Variants in TAB2 observed in about 807,000 individuals in gnomAD.
TAB2 encodes TGF-beta-activated kinase 1 and MAP3K7-binding protein 2.
In TAB2, 3 loss-of-function variants were observed where a neutral mutation model predicts 65.0. The observed-to-expected ratio is 0.05, with a 90% CI of 0.02 to 0.12. The LOEUF (loss-of-function observed/expected upper bound fraction) is 0.12. TAB2 is among the 10% of genes least tolerant of loss of function. TAB2 has a pLI of 1.00. For synonymous variants in TAB2, 298 were observed against 285.1 expected, an observed-to-expected ratio of 1.05 and a Z score of -0.46; for missense variants, 623 against 840.3, an observed-to-expected ratio of 0.74 and a Z score of 3.20.
chr6:149,247,149 C>T (rs1777738276), intron 1 of TAB2: 2 of 152,480 alleles, frequency 1.3e-5, no homozygotes, highest in Non-Finnish European at 2.9e-5. Context: ...CTACTGCCCC[C>T]TCGTAAGTGT....
At chr6:149,376,602 A>G (rs1318102967) in intron 2 of TAB2, among the ~76,000 whole-genome samples, 1 of 152,206 alleles carries the variant, frequency 6.6e-6, no homozygotes, top group African/African-American at 2.4e-5. Context: ...CCATCAGGCC[A>G]TACCTTCCTC....
chr6:149,387,833 T>C (rs1781854721), intron 3 of TAB2, among the ~76,000 whole-genome samples: 3 of 152,336 alleles, frequency 2.0e-5, no homozygotes, highest in East Asian at 3.9e-4. Context: ...TTTGAGAGAA[T>C]TCCATGTCAG....
At chr6:149,244,578 G>C (rs1396769764) in intron 1 of TAB2, 1 of 152,572 alleles carries the variant, frequency 6.6e-6, no homozygotes, top group Non-Finnish European at 1.5e-5. Context: ...GCTGGGCGCA[G>C]TGGCTCACGC....
Position 149,224,304 on chromosome 6 carries a change from T to G in TAB2, c.-121+5528T>G, listed in dbSNP as rs1777220144. ...CTTACAATACAGTGACCCAATCATT[T>G]TGGAAGATAGCCAAAGCCTCCCTTT... On this transcript the variant is annotated intron_variant, in intron 1 of 1. Coordinates refer to the TAB2 transcript ENST00000606202. 2.0e-5 allele frequency among the ~76,000 whole-genome samples: 3 copies of G among 152,352 alleles called. No homozygotes were observed. In the South Asian group the frequency reaches 6.2e-4, roughly 32 times the overall value.
chr6:149,359,011 CTTA>C (rs1157549928), intron 1 of TAB2, among the ~76,000 whole-genome samples: 2 of 151,932 alleles, frequency 1.3e-5, no homozygotes, highest in East Asian at 3.9e-4. Context: ...CACTTTATAT[CTTA>C]TTGTTATGAT....
chr6:149,335,097 A>AT (rs940247782), intron 1 of TAB2, among the ~76,000 whole-genome samples: 77 of 151,686 alleles, frequency 5.1e-4, no homozygotes, highest in African/African-American at 1.8e-3. Flanking sequence ...AGGAAAAGTA[A>AT]TTTTTTTTAG....
intron 1 of TAB2, among the ~76,000 whole-genome samples, chr6:149,272,692 G>A (rs1406466702): frequency 6.6e-6 from 1 of 152,178 alleles, no homozygotes; most frequent in African/African-American, 2.4e-5. Context: ...TGTCATATAA[G>A]GTAGCATATT....
At chr6:149,332,979 A>G (rs1045866450) in intron 1 of TAB2, among the ~76,000 whole-genome samples, 1 of 152,178 alleles carries the variant, frequency 6.6e-6, no homozygotes, top group Non-Finnish European at 1.5e-5. Flanking sequence ...TCTTTCTAGC[A>G]CTTCGTTTTA....
At chr6:149,218,367 G>GA (rs1005299094), upstream of TAB2, among the ~76,000 whole-genome samples, 1 of 151,956 alleles carries the variant, frequency 6.6e-6, no homozygotes, top group South Asian at 2.1e-4. Context: ...CTCATTCAAG[G>GA]AAAAAAAGAT....
At position 149,397,703 on chromosome 6, in the gene TAB2, T is replaced by A; in HGVS notation, c.1703T>A (p.Met568Lys). The A allele has an allele frequency of 1.2e-6, 2 of 1,614,010 alleles. No individual in the cohort carries two copies. The highest frequency in any genetic ancestry group is 1.7e-6 in the Non-Finnish European group (2 of 1,179,988). Residue 568 changes from methionine (M) to lysine (K), a missense_variant, in exon 4 of 7, where the codon ATG (methionine) becomes AAG (lysine). Transcript: ENST00000637181. The stretch of plus-strand genomic sequence containing the variant: ...AAATTAAAATCTGAGGTTAATGAAA[T>A]GGAAAATAATCTAACTCGAAGGCGC... ...LDKLKSEVNE[M>K]ENNLTRRRLK... is the part of the protein sequence containing the mutation.
At chr6:149,248,448 G>A (rs1370422377) in intron 1 of TAB2, among the ~76,000 whole-genome samples, 1 of 143,808 alleles carries the variant, frequency 7.0e-6, no homozygotes, top group African/African-American at 2.6e-5. Flanking sequence ...AGGAAGGAAG[G>A]AAGAAAAGAA....
In TAB2 at chr6:149,378,204, A is replaced by G. The variant is rs1489799457; in HGVS notation, c.289A>G (p.Met97Val). ...IYHHGREGSR[M>V]NGSRTLTHSI... ...CCACCATGGAAGAGAAGGAAGTAGG[A>G]TGAATGGAAGTAGGACTCTAACGCA... The change falls in exon 3 of 7, where the codon ATG (methionine) becomes GTG (valine). Residue 97 changes from methionine to valine, a missense_variant. Physicochemically the swap from Met to Val is conservative, Grantham distance 21 (BLOSUM62 1). Around this residue, in one of 3 missense-constraint regions of TAB2, gnomAD observed 550 missense variants for 665.7 expected, o/e 0.83. Coordinates refer to ENST00000637181, the MANE Select transcript of TAB2 (RefSeq NM_001292034.3). 1 of 1,614,100 alleles carries G rather than the reference A, an allele frequency of 6.2e-7. No homozygotes were observed. Among genetic ancestry groups the G allele is most frequent in the Admixed American group, 1.7e-5 (1 of 60,008 alleles).
upstream of TAB2, chr6:149,218,589 G>A (rs1397953920): frequency 2.8e-5 from 8 of 282,624 alleles, no homozygotes; most frequent in Non-Finnish European, 5.2e-5. Flanking sequence ...CAGGGTCAGG[G>A]TAGGGGTTGA....
At chr6:149,234,372 A>G (rs1777458021) in intron 1 of TAB2, among the ~76,000 whole-genome samples, 1 of 152,140 alleles carries the variant, frequency 6.6e-6, no homozygotes, top group Admixed American at 6.5e-5. Context: ...GGAGGAAAGT[A>G]AGAGGCTGAA....
intron 1 of TAB2, among the ~76,000 whole-genome samples, chr6:149,264,051 G>A (rs547060014): frequency 1.3e-5 from 2 of 152,346 alleles, no homozygotes; most frequent in African/African-American, 4.8e-5. Context: ...CCCATCATGG[G>A]AATTCAGAGA....
chr6:149,233,926 A>C (rs1777450214), intron 1 of TAB2, among the ~76,000 whole-genome samples: 1 of 152,166 alleles, frequency 6.6e-6, no homozygotes, highest in South Asian at 2.1e-4. Flanking sequence ...GTTAGGTTGG[A>C]CCTCTCAATC....
At chr6:149,330,494 G>A (rs1408055043) in intron 1 of TAB2, among the ~76,000 whole-genome samples, 2 of 152,130 alleles carry the variant, frequency 1.3e-5, no homozygotes, top group African/African-American at 2.4e-5. Flanking sequence ...CAGTCTAATA[G>A]TATGTAGTGA....
At chr6:149,387,783 A>G (rs1781852561) in intron 3 of TAB2, among the ~76,000 whole-genome samples, 1 of 151,546 alleles carries the variant, frequency 6.6e-6, no homozygotes, top group Non-Finnish European at 1.5e-5. Flanking sequence ...TTCATTTTGT[A>G]TTCTTCTAGG....
intron 2 of TAB2, among the ~76,000 whole-genome samples, chr6:149,374,658 T>C (rs1405003169): frequency 6.6e-6 from 1 of 152,234 alleles, no homozygotes; most frequent in Non-Finnish European, 1.5e-5. Context: ...TACCAGTTGG[T>C]TTTAAAATCA....
Sources: allele counts gnomAD v4.1 joint callset (sites outside exome capture counted in the v4.1 genomes callset), GRCh38; gene constraint gnomAD v4.1.1; regional missense constraint gnomAD v4.1.1; transcripts MANE v1.5; gene names NCBI Gene and HGNC (gene_info 2026-07-23, HGNC 2026-07-21).